Variants in RPSA2 observed in about 807,000 individuals in gnomAD.
RPSA2 encodes ribosomal protein SA 2, also known as small ribosomal subunit protein uS2B.
chr19:23,856,240 A>T, the RPSA2 span, among the ~76,000 whole-genome samples: 4 of 152,116 alleles, frequency 2.6e-5, no homozygotes, highest in African/African-American at 9.7e-5. Context: ...ATCACCCCAA[A>T]CGGTGACAGG....
At chr19:23,758,625 T>A in the RPSA2 span, 6 of 1,474,136 alleles carry the variant, frequency 4.1e-6, no homozygotes, top group Admixed American at 6.7e-5. Flanking sequence ...ATGGTCCAAG[T>A]GGACTGAGGC....
the RPSA2 span, among the ~76,000 whole-genome samples, chr19:23,787,187 T>C: frequency 1.3e-5 from 2 of 152,246 alleles, no homozygotes; most frequent in Non-Finnish European, 2.9e-5. Flanking sequence ...GGGCCCTGCA[T>C]TGACAATTTG....
chr19:23,861,540 T>G, the RPSA2 span, among the ~76,000 whole-genome samples: 152,167 of 152,200 alleles, frequency 1, 76,068 homozygotes, highest in Middle Eastern at 1. Flanking sequence ...TCCTTGGCAG[T>G]ATTTTTTCAG....
chr19:23,865,547 C>G, the RPSA2 span, among the ~76,000 whole-genome samples: 2 of 152,010 alleles, frequency 1.3e-5, no homozygotes, highest in African/African-American at 2.4e-5. Context: ...TTCTGAGTCT[C>G]AAGAATTAAA....
At chr19:23,801,896 A>G in the RPSA2 span, among the ~76,000 whole-genome samples, 148,920 of 152,244 alleles carry the variant, frequency 0.98, 72,925 homozygotes, top group Middle Eastern at 1. Context: ...TTTTTTAGGT[A>G]AAATATTATT....
the RPSA2 span, among the ~76,000 whole-genome samples, chr19:23,834,973 AT>A: frequency 6.6e-6 from 1 of 152,110 alleles, no homozygotes; most frequent in African/African-American, 2.4e-5. Context: ...CATATATGGC[AT>A]ATTTTAATAC....
the RPSA2 span, among the ~76,000 whole-genome samples, chr19:23,837,523 T>C: frequency 3.4e-4 from 52 of 152,300 alleles, no homozygotes; most frequent in East Asian, 9.1e-3. Flanking sequence ...TTGATGGGGA[T>C]TGTGTTGAAT....
At chr19:23,819,597 C>A in the RPSA2 span, among the ~76,000 whole-genome samples, 2 of 152,164 alleles carry the variant, frequency 1.3e-5, no homozygotes, top group African/African-American at 2.4e-5. Flanking sequence ...CTTTCCCATA[C>A]CCAGCCATGA....
the RPSA2 span, among the ~76,000 whole-genome samples, chr19:23,868,986 C>A: frequency 3.9e-5 from 6 of 152,176 alleles, no homozygotes; most frequent in African/African-American, 1.4e-4. Flanking sequence ...ACTACTGGAG[C>A]GTCAAGGCCA....
At chr19:23,798,886 T>G in the RPSA2 span, 14 of 151,370 alleles carry the variant, frequency 9.2e-5, no homozygotes, top group Non-Finnish European at 1.9e-4. Flanking sequence ...CAGGTTCATG[T>G]ATATTCCACT....
the RPSA2 span, among the ~76,000 whole-genome samples, chr19:23,815,636 A>T: frequency 3.3e-5 from 5 of 152,248 alleles, no homozygotes; most frequent in Middle Eastern, 6.8e-3. Flanking sequence ...TTATCCACTC[A>T]GGTATTCCTC....
chr19:23,759,592 C>A, the RPSA2 span, among the ~76,000 whole-genome samples: 1 of 131,048 alleles, frequency 7.6e-6, no homozygotes, highest in Non-Finnish European at 1.6e-5. Flanking sequence ...GGCACAATCT[C>A]AGATCACAAC....
the RPSA2 span, among the ~76,000 whole-genome samples, chr19:23,847,435 T>C: frequency 9.9e-5 from 15 of 152,188 alleles, no homozygotes; most frequent in Non-Finnish European, 1.9e-4. Flanking sequence ...ACAGCTGGGC[T>C]GCCGGGGGTG....
the RPSA2 span, among the ~76,000 whole-genome samples, chr19:23,836,557 T>A: frequency 6.6e-6 from 1 of 152,212 alleles, no homozygotes; most frequent in South Asian, 2.1e-4. Flanking sequence ...CTGGATCAAA[T>A]GATAATTCTG....
chr19:23,818,773 T>C, the RPSA2 span: 2 of 152,472 alleles, frequency 1.3e-5, no homozygotes, highest in African/African-American at 4.8e-5. Context: ...TTTATTTCTT[T>C]TGACCTGACA....
the RPSA2 span, among the ~76,000 whole-genome samples, chr19:23,859,705 T>C: frequency 6.6e-6 from 1 of 152,336 alleles, no homozygotes; most frequent in Non-Finnish European, 1.5e-5. Context: ...TACTGATTCA[T>C]ATAAGCTTTT....
the RPSA2 span, among the ~76,000 whole-genome samples, chr19:23,839,850 AG>A: frequency 6.6e-6 from 1 of 152,188 alleles, no homozygotes; most frequent in East Asian, 1.9e-4. Context: ...ACCTCCAGGT[AG>A]TAAGGAGCTT....
the RPSA2 span, among the ~76,000 whole-genome samples, chr19:23,770,994 TTTC>T: frequency 6.6e-6 from 1 of 152,322 alleles, no homozygotes; most frequent in Non-Finnish European, 1.5e-5. Context: ...GCAGATGTAG[TTTC>T]TCTCATAGCC....
the RPSA2 span, among the ~76,000 whole-genome samples, chr19:23,773,492 CA>C: frequency 6.6e-6 from 1 of 152,042 alleles, no homozygotes; most frequent in South Asian, 2.1e-4. Context: ...CCATGTTCAC[CA>C]GGATGGTCTC....
Sources: gnomAD v4.1 joint callset for allele counts (sites outside exome capture counted in the v4.1 genomes callset) on GRCh38, gnomAD v4.1.1 for gene constraint, MANE v1.5 for transcripts, NCBI Gene and HGNC (gene_info 2026-07-23, HGNC 2026-07-21) for gene names.